Variants in LRRC43 observed in about 807,000 individuals in gnomAD.
LRRC43 encodes leucine rich repeat containing 43, also known as leucine-rich repeat-containing protein 43.
LRRC43 carries 62 observed loss-of-function variants against 64.3 expected under a neutral mutation model. The ratio of observed to expected loss-of-function variants is 0.96; its 90% confidence interval spans 0.79 to 1.19. The LOEUF (loss-of-function observed/expected upper bound fraction) is 1.19. LRRC43 is among the 50% of genes most tolerant of loss of function. The pLI, the probability that LRRC43 is intolerant of heterozygous loss-of-function variation, is 0.00. For missense variants in LRRC43, 868 were observed against 845.0 expected, an observed-to-expected ratio of 1.03 and a Z score of -0.34; for synonymous variants, 422 against 382.3, an observed-to-expected ratio of 1.10 and a Z score of -1.21.
At chr12:122,169,250 A>G (rs1402283314) in intron 1 of LRRC43, among the ~76,000 whole-genome samples, 1 of 152,144 alleles carries the variant, frequency 6.6e-6, no homozygotes, top group Non-Finnish European at 1.5e-5. Flanking sequence ...TAAAGCCACC[A>G]CCATGGTTTG....
Position 122,192,836 on chromosome 12 carries a change from T to TTAC in LRRC43, c.1183_1185dup (p.Thr395dup), listed in dbSNP as rs1307349556. The stretch of plus-strand genomic sequence containing the variant: ...GTCATCGAAGACATTGTTGAAGAGG[T>TTAC]TACTGAAGAGGTCGAAGGGTCTCTG... On this transcript the variant is annotated inframe_insertion, in exon 7 of 12. Transcript: ENST00000339777. The TTAC allele has an allele frequency of 6.2e-7, 1 of 1,614,084 alleles. No homozygotes were observed.
chr12:122,182,816 G>C (rs1317804610), upstream of LRRC43, among the ~76,000 whole-genome samples: 1 of 152,210 alleles, frequency 6.6e-6, no homozygotes, highest in Non-Finnish European at 1.5e-5. Context: ...CCCACTGGCT[G>C]GTTGGAGTCG....
intron 1 of LRRC43, among the ~76,000 whole-genome samples, chr12:122,169,955 C>A (rs1953471133): frequency 6.6e-6 from 1 of 151,856 alleles, no homozygotes; most frequent in African/African-American, 2.4e-5. Flanking sequence ...TACAGGCATG[C>A]ACCACTACAC....
upstream of LRRC43, chr12:122,183,073 G>C: frequency 6.7e-7 from 1 of 1,496,568 alleles, no homozygotes; most frequent in South Asian, 1.3e-5. Flanking sequence ...CTCGGGGCAG[G>C]TGAGAGCGCC....
chr12:122,186,297 C>G lies in LRRC43; in HGVS notation c.519C>G (p.Leu173=). The G allele has an allele frequency of 6.3e-7, 1 of 1,588,852 alleles. No homozygotes were observed. Among genetic ancestry groups the G allele is most frequent in the East Asian group, 2.3e-5 (1 of 43,854 alleles). The part of the protein sequence containing the change: ...EVDATNLPPT[L]KVLELYGNEI... ...ATGCCACCAATCTGCCCCCCACACT[C>G]AAGGTGAAGGAGCCCCGGTCTGTGT... The change falls in exon 3 of 12, where the codon CTC becomes CTG. Residue 173 remains leucine (L), a synonymous_variant. Transcript: ENST00000339777.
intron 1 of LRRC43, chr12:122,173,707 T>C (rs1470947431): frequency 2.9e-5 from 21 of 727,512 alleles, no homozygotes; most frequent in Non-Finnish European, 3.9e-5. Flanking sequence ...AAGCCATCTT[T>C]GCCTGTCTAG....
At position 122,184,859 on chromosome 12, in the gene LRRC43, C is replaced by T. The variant is rs1593144981; in HGVS notation, c.411+80C>T. On this transcript the variant is annotated intron_variant, in intron 2 of 11. Coordinates refer to ENST00000339777, the MANE Select transcript of LRRC43 (RefSeq NM_001098519.2). The surrounding 1 kb of genome is among the most constrained non-coding windows in gnomAD (Gnocchi z 4.0). Reference sequence around the variant, plus strand: ...GTTGTGGGGAGGGCACCCTTCCCCACAGCGCGTCAGGGATCCTGCTTTCAG... The same window carrying T: ...GTTGTGGGGAGGGCACCCTTCCCCATAGCGCGTCAGGGATCCTGCTTTCAG... The T allele has an allele frequency of 6.9e-7, 1 of 1,455,714 alleles. No homozygotes were observed. Among genetic ancestry groups the T allele is most frequent in the Non-Finnish European group, 9.3e-7 (1 of 1,069,814 alleles). The allele number at this position is 1,455,714 out of a possible 1,614,324, so 90.2% of individuals were successfully genotyped here.
rs760769811 is a variant in LRRC43 at position 122,203,359 on chromosome 12, C to T, written c.1888C>T (p.Pro630Ser). 12 of 1,613,376 alleles carry T rather than the reference C, an allele frequency of 7.4e-6. No individual in the cohort carries two copies. The highest frequency in any genetic ancestry group is 1.1e-5 in the South Asian group (1 of 91,022). The change falls in exon 12 of 12, where the codon CCT (proline) becomes TCT (serine). Residue 630 changes from proline to serine, a missense_variant. Coordinates refer to ENST00000339777, the MANE Select transcript of LRRC43 (RefSeq NM_001098519.2). ...TCCGATCTACGAAGGCGATTACCAC[C>T]CTGAGCCCCTGACCGTAGAGGTGCA... is the stretch of plus-strand genomic sequence containing the variant. ...VIPIYEGDYH[P>S]EPLTVEVQIQ... is the part of the protein sequence containing the mutation.
At chr12:122,177,517 GTT>G (rs1953547256) in intron 1 of LRRC43, among the ~76,000 whole-genome samples, 1 of 132,926 alleles carries the variant, frequency 7.5e-6, no homozygotes, top group African/African-American at 2.8e-5. Context: ...GTGTGTGTGT[GTT>G]TAATAGAAAG....
In LRRC43 at chr12:122,184,347, G is replaced by C. The variant is rs1176452023; in HGVS notation, c.151-172G>C. On this transcript the variant is annotated intron_variant, in intron 1 of 11. Coordinates refer to ENST00000339777, the MANE Select transcript of LRRC43 (RefSeq NM_001098519.2). This position sits in a 1 kb window ranked among gnomAD's most constrained non-coding sequence, Gnocchi z 4.0. ...TTGACCTCATGATCCGCCTGCCTCA[G>C]CCTCCCAAAGTGCTGGGATTACAGG... is the stretch of plus-strand genomic sequence containing the variant. Among the ~76,000 whole-genome samples, 1 of 152,140 alleles carries C rather than the reference G, an allele frequency of 6.6e-6. No individual in the cohort carries two copies. The highest frequency in any genetic ancestry group is 2.4e-5 in the African/African-American group (1 of 41,414).
In LRRC43 at chr12:122,200,356, C is replaced by G; in HGVS notation, c.1491+26C>G. 1 of 1,608,336 alleles carries G rather than the reference C, an allele frequency of 6.2e-7. No homozygotes were observed. Among genetic ancestry groups the G allele is most frequent in the Non-Finnish European group, 8.5e-7 (1 of 1,178,986 alleles). ...GTGGGCAGGCGGAGGCAGTGCCCGG[C>G]CATCCACAGGCTGCACTTCTGTCCT... On this transcript the variant is annotated intron_variant, in intron 8 of 11. Transcript: ENST00000339777. This position sits in a 1 kb window ranked among gnomAD's most constrained non-coding sequence, Gnocchi z 4.6.
chr12:122,186,231 G>C lies in LRRC43; in HGVS notation c.453G>C (p.Leu151=). 1.2e-6 allele frequency: 2 copies of C among 1,605,626 alleles called. No individual in the cohort carries two copies. Among genetic ancestry groups the C allele is most frequent in the Non-Finnish European group, 1.7e-6 (2 of 1,176,440 alleles). Residue 151 remains leucine, a synonymous_variant, in exon 3 of 12, where the codon CTG becomes CTC. Transcript: ENST00000339777. ...AAGACCTCCTGAAATTTCTAAAGCTGGAGGAGTTGGTACTGAGCGCCAATC... is the reference window on the plus strand; with the variant it reads ...AAGACCTCCTGAAATTTCTAAAGCTCGAGGAGTTGGTACTGAGCGCCAATC... ...VDKDLLKFLK[L]EELVLSANRI...
chr12:122,201,400 G>A (rs1953837431), intron 11 of LRRC43, 71 bp downstream of exon 11: 2 of 1,452,568 alleles, frequency 1.4e-6, no homozygotes, highest in Non-Finnish European at 1.9e-6. Context: ...CCCTGGGGGA[G>A]GCCAAAGGAA....
At chr12:122,180,338 G>A (rs1214170022), upstream of LRRC43, among the ~76,000 whole-genome samples, 2 of 152,190 alleles carry the variant, frequency 1.3e-5, no homozygotes, top group South Asian at 2.1e-4. Context: ...GACCAGCATG[G>A]AGAAACCCTG....
At chr12:122,180,073 G>T (rs1205229216), upstream of LRRC43, among the ~76,000 whole-genome samples, 2 of 152,136 alleles carry the variant, frequency 1.3e-5, no homozygotes, top group African/African-American at 4.8e-5. Context: ...GAAATGGTTG[G>T]CATCATCAAA....
chr12:122,199,805 A>T (rs1953814085), intron 7 of LRRC43, among the ~76,000 whole-genome samples: 1 of 151,590 alleles, frequency 6.6e-6, no homozygotes, highest in Admixed American at 6.6e-5. Flanking sequence ...GCTGCTCTCG[A>T]ACTCCTTGGT....
chr12:122,197,368 G>A (rs983924950), intron 7 of LRRC43, among the ~76,000 whole-genome samples: 5 of 151,816 alleles, frequency 3.3e-5, no homozygotes, highest in African/African-American at 7.3e-5. Flanking sequence ...GTTTCACTAC[G>A]TTGGCCAGGC....
chr12:122,190,173 G>C lies in LRRC43; in HGVS notation c.706G>C (p.Asp236His), dbSNP rs963904602. ...SLDLGFNDLT[D>H]LQSMVTSLRT... Reference sequence around the variant, plus strand: ...GGACCTGGGCTTCAACGACCTGACAGACCTGCAGAGCATGGTCACCAGCCT... The same window carrying C: ...GGACCTGGGCTTCAACGACCTGACACACCTGCAGAGCATGGTCACCAGCCT... Residue 236 changes from aspartate (D) to histidine (H), a missense_variant, in exon 5 of 12, where the codon GAC (aspartate) becomes CAC (histidine). Coordinates refer to ENST00000339777, the MANE Select transcript of LRRC43 (RefSeq NM_001098519.2). 2 of 1,614,016 alleles carry C rather than the reference G, an allele frequency of 1.2e-6. No individual in the cohort carries two copies. Among genetic ancestry groups the C allele is most frequent in the African/African-American group, 2.7e-5 (2 of 74,914 alleles).
upstream of LRRC43, chr12:122,183,053 G>A: frequency 6.8e-7 from 1 of 1,464,240 alleles, no homozygotes; most frequent in Non-Finnish European, 9.0e-7. Flanking sequence ...TCCGGATGGG[G>A]GACTTTTCCC....
Sources: gnomAD v4.1 joint callset for allele counts (sites outside exome capture counted in the v4.1 genomes callset) on GRCh38, gnomAD v4.1.1 for gene constraint, Gnocchi (gnomAD v3.1) non-coding constraint, MANE v1.5 for transcripts, NCBI Gene and HGNC (gene_info 2026-07-23, HGNC 2026-07-21) for gene names.